The following RAB40B variants were observed in gnomAD, a reference collection of about 807,000 sequenced individuals.
The protein encoded by RAB40B is ras-related protein Rab-40B.
Under a neutral mutation model 24.0 loss-of-function variants are expected in RAB40B, and 21 were observed. The observed-to-expected ratio is 0.88, with a 90% CI of 0.62 to 1.26. The LOEUF is 1.26. RAB40B is among the 50% of genes most tolerant of loss of function. The pLI, the probability that RAB40B is intolerant of heterozygous loss-of-function variation, is 0.00. For missense variants in RAB40B, 348 were observed against 390.5 expected (o/e 0.89, Z 0.92); for synonymous variants, 167 against 169.8 (o/e 0.98, Z 0.13).
chr17:82,661,893 A>C (rs1313842236), intron 2 of RAB40B: 7 of 964,956 alleles, frequency 7.3e-6, no homozygotes, highest in Non-Finnish European at 8.6e-6. Flanking sequence ...TCTCAGAAAA[A>C]AAAAAAAAAA....
At chr17:82,688,473 G>A (rs2046524975) in intron 1 of RAB40B, among the ~76,000 whole-genome samples, 1 of 151,850 alleles carries the variant, frequency 6.6e-6, no homozygotes. Context: ...AAATTAGCCA[G>A]GCGTGGAGGC....
At position 82,656,441 on chromosome 17, in the gene RAB40B, C is replaced by G. The variant is rs1003772707; in HGVS notation, c.*1422G>C. On this transcript the variant is annotated 3_prime_UTR_variant, in exon 6 of 6. Coordinates refer to ENST00000571995, the MANE Select transcript of RAB40B (RefSeq NM_006822.3). ...AGCCCTGCTCTGAGGCAGTCGGGGT[C>G]AGGGGCTACATCTTCATGCGGAATT... 1 of 152,182 alleles carries G rather than the reference C, an allele frequency of 6.6e-6. No homozygotes were observed. The highest frequency in any genetic ancestry group is 1.5e-5 in the Non-Finnish European group (1 of 68,064). The allele number at this position is 152,182 out of a possible 1,614,324, so 9.4% of individuals were successfully genotyped here.
At position 82,658,573 on chromosome 17, in the gene RAB40B, G is replaced by C; in HGVS notation, c.483C>G (p.Phe161Leu). The C allele has an allele frequency of 6.2e-7, 1 of 1,613,542 alleles. No homozygotes were observed. Among genetic ancestry groups the C allele is most frequent in the Non-Finnish European group, 8.5e-7 (1 of 1,179,990 alleles). Residue 161 changes from phenylalanine (F) to leucine (L), a missense_variant, in exon 5 of 6, where the codon TTC becomes TTG. Coordinates refer to ENST00000571995, the MANE Select transcript of RAB40B (RefSeq NM_006822.3). The stretch of plus-strand genomic sequence containing the variant: ...GCTCCGTGAACGACTCTGTGATGTT[G>C]AAATTGCACAGAGGGCTGACCTCAA... ...TFFEVSPLCN[F>L]NITESFTELA...
chr17:82,657,436 T>A lies in RAB40B; in HGVS notation c.*427A>T. The A allele has an allele frequency of 3.1e-6, 1 of 320,062 alleles. No individual in the cohort carries two copies. The highest frequency in any genetic ancestry group is 6.1e-6 in the Non-Finnish European group (1 of 165,062). The allele number at this position is 320,062 out of a possible 1,614,324, so 19.8% of individuals were successfully genotyped here. A position where few individuals can be genotyped will look rare whatever the true frequency, so the allele number is the denominator to read the frequency against. On this transcript the variant is annotated 3_prime_UTR_variant, in exon 6 of 6. Transcript: ENST00000571995. ...TGGCGCTTTGACATTGAAAAGGAGG[T>A]TTACAAAAAGACCCCTCTCGTAATA...
chr17:82,664,944 G>C (rs1303589773), intron 1 of RAB40B: 1 of 198,692 alleles, frequency 5.0e-6, no homozygotes, highest in East Asian at 1.4e-4. Context: ...CTGCAGGCCT[G>C]AGAGCTCCGA....
chr17:82,694,293 G>A (rs1428529959), intron 1 of RAB40B, among the ~76,000 whole-genome samples: 1 of 151,476 alleles, frequency 6.6e-6, no homozygotes, highest in Non-Finnish European at 1.5e-5. Context: ...ACTTTGGGAG[G>A]CTGAGCTAAG....
At position 82,656,268 on chromosome 17, in the gene RAB40B, T is replaced by G. The variant is rs1183178921; in HGVS notation, c.*1595A>C. On this transcript the variant is annotated 3_prime_UTR_variant, in exon 6 of 6. Coordinates refer to ENST00000571995, the MANE Select transcript of RAB40B (RefSeq NM_006822.3). Reference sequence around the variant, plus strand: ...GCTGGGTCCCTTAAGTTTCTAAGAATCTACAGATCATCAGCAGGAACTAGG... The same window carrying G: ...GCTGGGTCCCTTAAGTTTCTAAGAAGCTACAGATCATCAGCAGGAACTAGG... 3.9e-5 allele frequency: 6 copies of G among 152,050 alleles called. No homozygotes were observed. Among genetic ancestry groups the G allele is most frequent in the African/African-American group, 1.4e-4 (6 of 41,394 alleles). 9.4% of individuals were successfully genotyped at this position (152,050 alleles called of 1,614,324 possible). A position where few individuals can be genotyped will look rare whatever the true frequency, so the allele number is the denominator to read the frequency against.
In RAB40B at chr17:82,667,283, G is replaced by A. The variant is rs190859127; in HGVS notation, c.143-2727C>T. Among the ~76,000 whole-genome samples the A allele has an allele frequency of 3.7e-4, 57 of 152,354 alleles. No homozygotes were observed. The highest frequency in any genetic ancestry group is 1.2e-3 in the African/African-American group (51 of 41,592). ...CGGGCAGAGCGAGGTGTGCAGTGGC[G>A]GTGCCACCGGTGGCCTCCCACTTGG... is the stretch of plus-strand genomic sequence containing the variant. On this transcript the variant is annotated intron_variant, in intron 1 of 5. Transcript: ENST00000571995. This position sits in a 1 kb window ranked among gnomAD's most constrained non-coding sequence, Gnocchi z 4.3.
intron 1 of RAB40B, 127 bp from the exon 2 acceptor site, chr17:82,664,683 G>C (rs2046232045): frequency 1.1e-6 from 1 of 885,928 alleles, no homozygotes; most frequent in Non-Finnish European, 1.8e-6. Context: ...AGGCGGATGG[G>C]ACCCCCTCCC....
At chr17:82,677,344 G>A (rs1018221600) in intron 1 of RAB40B, among the ~76,000 whole-genome samples, 2 of 152,180 alleles carry the variant, frequency 1.3e-5, no homozygotes, top group African/African-American at 2.4e-5. Flanking sequence ...TCAGCCCATC[G>A]TAAAAGCTCA....
At chr17:82,659,168 G>GC (rs1426940111) in intron 4 of RAB40B, 1 of 256,830 alleles carries the variant, frequency 3.9e-6, no homozygotes, top group African/African-American at 2.2e-5. Flanking sequence ...GGTTCTAGCA[G>GC]CCCCGGGACA....
intron 1 of RAB40B, among the ~76,000 whole-genome samples, chr17:82,677,674 C>T (rs533367535): frequency 6.6e-6 from 1 of 152,322 alleles, no homozygotes; most frequent in East Asian, 1.9e-4. Flanking sequence ...GGCCAGCACC[C>T]AAGCGTTTGG....
At chr17:82,678,035 C>G (rs772083106) in intron 1 of RAB40B, among the ~76,000 whole-genome samples, 3 of 152,198 alleles carry the variant, frequency 2.0e-5, no homozygotes, top group Non-Finnish European at 4.4e-5. Context: ...TAGCTATGTT[C>G]AAATTCAATT....
rs749363528 is a variant in RAB40B at position 82,657,939 on chromosome 17, A to C, written c.761T>G (p.Leu254Arg). The C allele has an allele frequency of 1.2e-6, 2 of 1,613,850 alleles. No homozygotes were observed. The highest frequency in any genetic ancestry group is 1.7e-5 in the Admixed American group (1 of 60,002). The stretch of plus-strand genomic sequence containing the variant: ...GGGGCGGACGAGCTTCACTTTGCGG[A>C]GGCTGCTCCTTTTGTGGGTGGAGCT... ...TTSSTHKRSS[L>R]RKVKLVRPPQ... Residue 254 changes from leucine to arginine, a missense_variant, in exon 6 of 6, where the codon CTC becomes CGC. Physicochemically the swap from Leu to Arg is moderately radical, Grantham distance 102 (BLOSUM62 -2). Around this residue, in one of 3 missense-constraint regions of RAB40B, gnomAD observed 121 missense variants for 124.0 expected, o/e 0.98. Coordinates refer to ENST00000571995, the MANE Select transcript of RAB40B (RefSeq NM_006822.3).
At chr17:82,691,043 A>G (rs1224790785) in intron 1 of RAB40B, among the ~76,000 whole-genome samples, 1 of 152,196 alleles carries the variant, frequency 6.6e-6, no homozygotes, top group Non-Finnish European at 1.5e-5. Flanking sequence ...TTCTCCCAAC[A>G]TTAAACATTG....
intron 1 of RAB40B, among the ~76,000 whole-genome samples, chr17:82,688,284 T>C (rs1433424876): frequency 6.6e-6 from 1 of 151,564 alleles, no homozygotes; most frequent in Admixed American, 6.6e-5. Context: ...GGATTACAGG[T>C]GTGAGCCACC....
rs555472052 is a variant in RAB40B, at chr17:82,684,797, G to A, written c.142+13658C>T. On this transcript the variant is annotated intron_variant, in intron 1 of 5. Transcript: ENST00000571995. Reference sequence around the variant, plus strand: ...TGTTCTCCACCTTGACCGTGATGGCGGTCACACCACTGTCTTTGTCAAAAC... The same window carrying A: ...TGTTCTCCACCTTGACCGTGATGGCAGTCACACCACTGTCTTTGTCAAAAC... 2.0e-5 allele frequency among the ~76,000 whole-genome samples: 3 copies of A among 152,206 alleles called. No homozygotes were observed. The South Asian group carries it at 6.2e-4, about 32-fold the overall frequency.
chr17:82,677,236 C>A (rs930454473), intron 1 of RAB40B, among the ~76,000 whole-genome samples: 8 of 152,188 alleles, frequency 5.3e-5, no homozygotes, highest in Non-Finnish European at 1.2e-4. Flanking sequence ...CGTGAGCCAC[C>A]GCTCCCGGCC....
At chr17:82,673,381 T>C (rs1349357304) in intron 1 of RAB40B, among the ~76,000 whole-genome samples, 3 of 152,228 alleles carry the variant, frequency 2.0e-5, no homozygotes, top group Non-Finnish European at 2.9e-5. Context: ...AGACCTTCTG[T>C]CCTGCTCCCA....
Sources: gnomAD v4.1 joint callset for allele counts (sites outside exome capture counted in the v4.1 genomes callset) on GRCh38, gnomAD v4.1.1 for gene constraint, gnomAD v4.1.1 regional missense constraint, Gnocchi (gnomAD v3.1) non-coding constraint, MANE v1.5 for transcripts, NCBI Gene and HGNC (gene_info 2026-07-23, HGNC 2026-07-21) for gene names.